Variants in CLTCL1 observed in about 807,000 individuals in gnomAD.
CLTCL1 encodes clathrin heavy chain 2.
A neutral mutation model predicts 190.0 loss-of-function variants in CLTCL1; 159 were observed. That is an observed-to-expected ratio of 0.84 (90% CI 0.74 to 0.95). The LOEUF (loss-of-function observed/expected upper bound fraction) is 0.95, where lower values mean the gene tolerates loss of function less well. Among genes scored for constraint, CLTCL1 ranks in the 40% least tolerant of loss-of-function variants. The probability of loss-of-function intolerance (pLI) is 0.00; values close to 1 mark genes in which losing one functional copy is unlikely to be tolerated. For missense variants in CLTCL1, 1,878 were observed against 2,033.4 expected, an observed-to-expected ratio of 0.92 and a Z score of 1.47; for synonymous variants, 752 against 769.6, an observed-to-expected ratio of 0.98 and a Z score of 0.38.
chr22:19,239,458 G>T, intron 4 of CLTCL1, 70 bp from the exon 5 acceptor site: 1 of 1,068,712 alleles, frequency 9.4e-7, no homozygotes, highest in Non-Finnish European at 1.5e-6. Context: ...TCAAGGCACA[G>T]AGGCAAGTGG....
At position 19,198,150 on chromosome 22, in the gene CLTCL1, TC is replaced by T. The variant is rs2084770073; in HGVS notation, c.3874-1495del. Among the ~76,000 whole-genome samples the T allele has an allele frequency of 6.6e-6, 1 of 152,218 alleles. No homozygotes were observed. Among genetic ancestry groups the T allele is most frequent in the Non-Finnish European group, 1.5e-5 (1 of 68,040 alleles). ...TGATAACTCCGTTATTTCTACTTAT[TC>T]AAGCCAAAACCAAATGGAGTTATCC... On this transcript the variant is annotated intron_variant, in intron 24 of 32. Coordinates refer to ENST00000427926, the MANE Select transcript of CLTCL1 (RefSeq NM_007098.4). The surrounding 1 kb of genome is among the most constrained non-coding windows in gnomAD (Gnocchi z 4.1).
chr22:19,227,089 A>C (rs1430009180), intron 11 of CLTCL1, among the ~76,000 whole-genome samples: 1 of 151,950 alleles, frequency 6.6e-6, no homozygotes. Context: ...TGAGGGCTCA[A>C]GTCTACCGAT....
At chr22:19,194,586 G>C (rs1213044898) in intron 26 of CLTCL1, among the ~76,000 whole-genome samples, 19 of 152,194 alleles carry the variant, frequency 1.2e-4, no homozygotes, top group African/African-American at 4.3e-4. Context: ...CAACCTGAAA[G>C]AAGCGCCCAC....
At chr22:19,211,766 C>CAAAAAAAAAAAAA (rs66494838) in intron 19 of CLTCL1, among the ~76,000 whole-genome samples, 1 of 42,730 alleles carries the variant, frequency 2.3e-5, no homozygotes, top group Admixed American at 2.7e-4. Flanking sequence ...GATTGCATCT[C>CAAAAAAAAAAAAA]AAAAAAAAAA....
chr22:19,237,824 T>G (rs1389955584), intron 5 of CLTCL1, among the ~76,000 whole-genome samples: 1 of 152,246 alleles, frequency 6.6e-6, no homozygotes, highest in East Asian at 1.9e-4. Flanking sequence ...CACAAATGTA[T>G]GCATGTTAAG....
chr22:19,252,238 G>A (rs574971965), intron 3 of CLTCL1, among the ~76,000 whole-genome samples: 41 of 152,196 alleles, frequency 2.7e-4, no homozygotes, highest in African/African-American at 9.6e-4. Context: ...ATTCCACTAT[G>A]CTGCTAAGAA....
At chr22:19,253,154 A>C (rs2086649233) in intron 3 of CLTCL1, among the ~76,000 whole-genome samples, 1 of 152,136 alleles carries the variant, frequency 6.6e-6, no homozygotes, top group South Asian at 2.1e-4. Context: ...AATGCTTTTT[A>C]GTGTTTCAAA....
intron 29 of CLTCL1, among the ~76,000 whole-genome samples, chr22:19,187,184 A>G (rs1257326645): frequency 6.6e-6 from 1 of 152,076 alleles, no homozygotes; most frequent in East Asian, 1.9e-4. Context: ...TCAACCTCCC[A>G]AAGTGCTGAG....
chr22:19,268,233 G>T (rs143267088), intron 2 of CLTCL1, among the ~76,000 whole-genome samples: 3 of 152,186 alleles, frequency 2.0e-5, no homozygotes, highest in Non-Finnish European at 4.4e-5. Flanking sequence ...GGGCCATCTT[G>T]GAAGTGGAGT....
intron 1 of CLTCL1, among the ~76,000 whole-genome samples, chr22:19,282,007 C>A (rs2087731983): frequency 6.6e-6 from 1 of 152,218 alleles, no homozygotes; most frequent in Admixed American, 6.5e-5. Context: ...TAGTTCTCAA[C>A]CAGGAGTGCT....
At chr22:19,239,468 G>A in intron 4 of CLTCL1, 80 bp from the exon 5 acceptor site, 3 of 964,784 alleles carry the variant, frequency 3.1e-6, no homozygotes, top group Non-Finnish European at 5.1e-6. Flanking sequence ...GAGGCAAGTG[G>A]AGCCTCAGCT....
In CLTCL1 at chr22:19,222,102, G is replaced by C. The variant is rs782117622; in HGVS notation, c.2419-9C>G. ...GTCCGGCTAGGGTTGACCTAGGGTAGTCAAGGTCAAGTAACTTCAGTGTTG... is the reference window on the plus strand; with the variant it reads ...GTCCGGCTAGGGTTGACCTAGGGTACTCAAGGTCAAGTAACTTCAGTGTTG... On this transcript the variant is annotated splice_polypyrimidine_tract_variant and intron_variant, in intron 15 of 32. Coordinates refer to ENST00000427926, the MANE Select transcript of CLTCL1 (RefSeq NM_007098.4). 3.1e-6 allele frequency: 5 copies of C among 1,612,784 alleles called. No individual in the cohort carries two copies. The highest frequency in any genetic ancestry group is 4.2e-6 in the Non-Finnish European group (5 of 1,179,398).
chr22:19,269,607 A>G (rs1315692861), intron 2 of CLTCL1, among the ~76,000 whole-genome samples: 2 of 152,198 alleles, frequency 1.3e-5, no homozygotes, highest in African/African-American at 2.4e-5. Flanking sequence ...CAGCCACAAA[A>G]AGAAATGAGA....
In CLTCL1 at chr22:19,208,209, C is replaced by T. The variant is rs186345548; in HGVS notation, c.3545G>A (p.Arg1182His). Reference protein sequence around the residue: ...ELIFALAKTSRVSELEDFING... With the variant: ...ELIFALAKTSHVSELEDFING... The stretch of plus-strand genomic sequence containing the variant: ...AATAAAATCTTCTAGCTCAGAAACA[C>T]GGCTGGTTTTAGCCAAGGCAAAAAT... The change falls in exon 22 of 33, where the codon CGT becomes CAT. Residue 1182 changes from arginine (R) to histidine (H), a missense_variant. Coordinates refer to ENST00000427926, the MANE Select transcript of CLTCL1 (RefSeq NM_007098.4). 310 of 1,613,850 alleles carry T rather than the reference C, an allele frequency of 1.9e-4. 1 individual carries two copies. The highest frequency in any genetic ancestry group is 1.2e-3 in the South Asian group (109 of 91,076).
chr22:19,210,006 G>A (rs184796768), intron 20 of CLTCL1, among the ~76,000 whole-genome samples: 16 of 152,216 alleles, frequency 1.1e-4, no homozygotes, highest in African/African-American at 3.6e-4. Context: ...TAAGATGTGA[G>A]TGCCTCTGAA....
rs2085110558 is a variant in CLTCL1 at position 19,208,194 on chromosome 22, T to C, written c.3560A>G (p.Glu1187Gly). 1 of 1,613,828 alleles carries C rather than the reference T, an allele frequency of 6.2e-7. No homozygotes were observed. The highest frequency in any genetic ancestry group is 8.5e-7 in the Non-Finnish European group (1 of 1,179,898). ...ATTGTTGGGTCCATTAATAAAATCT[T>C]CTAGCTCAGAAACACGGCTGGTTTT... ...LAKTSRVSELEDFINGPNNAH... is the reference protein window; with the variant it reads ...LAKTSRVSELGDFINGPNNAH... Residue 1187 changes from glutamate to glycine, a missense_variant, in exon 22 of 33, where the codon GAA becomes GGA. Coordinates refer to ENST00000427926, the MANE Select transcript of CLTCL1 (RefSeq NM_007098.4).
At position 19,187,586 on chromosome 22, in the gene CLTCL1, T is replaced by C; in HGVS notation, c.4577A>G (p.Glu1526Gly). 1.2e-6 allele frequency: 2 copies of C among 1,612,834 alleles called. No individual in the cohort carries two copies. The highest frequency in any genetic ancestry group is 1.7e-6 in the Non-Finnish European group (2 of 1,179,796). ...KGNNWWAQSV[E>G]LCKKDHLYKD... ...GTAGAGATGATCCTTCTTGCAGAGCTCCACGCTCTGGGCCCACCAGTTATT... is the reference window on the plus strand; with the variant it reads ...GTAGAGATGATCCTTCTTGCAGAGCCCCACGCTCTGGGCCCACCAGTTATT... The change falls in exon 29 of 33, where the codon GAG (glutamate) becomes GGG (glycine). Residue 1526 changes from glutamate (E) to glycine (G), a missense_variant. By Grantham distance (98) the Glu-to-Gly change is moderately conservative. Transcript: ENST00000427926.
At chr22:19,253,675 G>A (rs1232264511) in intron 3 of CLTCL1, among the ~76,000 whole-genome samples, 1 of 151,950 alleles carries the variant, frequency 6.6e-6, no homozygotes, top group Non-Finnish European at 1.5e-5. Flanking sequence ...CTCAGTTCCA[G>A]GCCTACTTTT....
At chr22:19,257,521 T>C in intron 2 of CLTCL1, 1 of 305,016 alleles carries the variant, frequency 3.3e-6, no homozygotes, top group South Asian at 3.8e-5. Context: ...CCAGACAGCA[T>C]GAGTTTCACC....
Sources: allele counts gnomAD v4.1 joint callset (sites outside exome capture counted in the v4.1 genomes callset), GRCh38; gene constraint gnomAD v4.1.1; non-coding constraint Gnocchi (gnomAD v3.1); transcripts MANE v1.5; gene names NCBI Gene and HGNC (gene_info 2026-07-23, HGNC 2026-07-21).